Variants in PKHD1 observed in about 807,000 individuals in gnomAD.
PKHD1 encodes the protein fibrocystin.
A neutral mutation model predicts 412.0 loss-of-function variants in PKHD1; 291 were observed. That is an observed-to-expected ratio of 0.71 (90% CI 0.64 to 0.78). The LOEUF is 0.78. Ranked by LOEUF, PKHD1 falls within the 30% of genes least tolerant of loss-of-function variation. The pLI is 0.00. For missense variants in PKHD1, 4,825 were observed against 4,950.7 expected, an observed-to-expected ratio of 0.97 and a Z score of 0.76; for synonymous variants, 1,777 against 1,821.5, an observed-to-expected ratio of 0.98 and a Z score of 0.62.
Position 51,906,283 on chromosome 6 carries a change from C to A in PKHD1, c.6740G>T (p.Cys2247Phe). 2 of 1,609,922 alleles carry A rather than the reference C, an allele frequency of 1.2e-6. No individual in the cohort carries two copies. The highest frequency in any genetic ancestry group is 1.7e-6 in the Non-Finnish European group (2 of 1,176,484). The change falls in exon 41 of 67, where the codon TGC becomes TTC. Residue 2247 changes from cysteine to phenylalanine, a missense_variant. Coordinates refer to ENST00000371117, the MANE Select transcript of PKHD1 (RefSeq NM_138694.4). ...RNSFSRGLSMCGTLGLKVDSN... is the reference protein window; with the variant it reads ...RNSFSRGLSMFGTLGLKVDSN... ...GTCCACCTTCAGGCCCAAGGTCCCGCACATGCTGAGGCCTCTACTGAAGGA... is the reference window on the plus strand; with the variant it reads ...GTCCACCTTCAGGCCCAAGGTCCCGAACATGCTGAGGCCTCTACTGAAGGA...
intron 53 of PKHD1, 99 bp downstream of exon 53, chr6:51,791,137 C>T: frequency 7.9e-7 from 1 of 1,260,378 alleles, no homozygotes; most frequent in Admixed American, 1.7e-5. Flanking sequence ...TCCCTAAACT[C>T]TGTTAAGCAA....
intron 43 of PKHD1, among the ~76,000 whole-genome samples, chr6:51,901,110 T>C (rs956503963): frequency 1.3e-5 from 2 of 152,150 alleles, no homozygotes; most frequent in Non-Finnish European, 2.9e-5. Context: ...ATCAGTGTGG[T>C]GATTCCTCAG....
Position 51,855,910 on chromosome 6 carries a change from T to TC in PKHD1, c.7893dup (p.Ile2632AspfsTer12). 8 of 1,613,672 alleles carry TC rather than the reference T, an allele frequency of 5.0e-6. No homozygotes were observed. The highest frequency in any genetic ancestry group is 6.8e-6 in the Non-Finnish European group (8 of 1,179,564). On this transcript the variant is annotated frameshift_variant, in exon 49 of 67. Coordinates refer to ENST00000371117, the MANE Select transcript of PKHD1 (RefSeq NM_138694.4). LOFTEE classifies it high-confidence loss of function. ...TGGGTTACCTGCAGAGATCTGTTGATCCAAAGGTTCTCAGATTGCAATGAG... is the reference window on the plus strand; with the variant it reads ...TGGGTTACCTGCAGAGATCTGTTGATCCCAAAGGTTCTCAGATTGCAATGAG...
At chr6:51,939,089 T>C (rs1248213381) in intron 36 of PKHD1, among the ~76,000 whole-genome samples, 1 of 151,582 alleles carries the variant, frequency 6.6e-6, no homozygotes, top group Non-Finnish European at 1.5e-5. Flanking sequence ...CAGAGGTGTC[T>C]GACCACGTGG....
Position 51,955,318 on chromosome 6 carries a change from A to C in PKHD1, c.5908+4552T>G, listed in dbSNP as rs773149506. On this transcript the variant is annotated intron_variant, in intron 36 of 66. Coordinates refer to ENST00000371117, the MANE Select transcript of PKHD1 (RefSeq NM_138694.4). Reference sequence around the variant, plus strand: ...AATAATAAATGCAGCTGAAGCTCTTATCACAGTCACAAAAGAATCTGCTAC... The same window carrying C: ...AATAATAAATGCAGCTGAAGCTCTTCTCACAGTCACAAAAGAATCTGCTAC... 7.9e-5 allele frequency among the ~76,000 whole-genome samples: 12 copies of C among 152,194 alleles called. No homozygotes were observed. The East Asian group carries it at 1.2e-3, about 15-fold the overall frequency.
At chr6:51,648,671 A>T (rs1267727889) in intron 62 of PKHD1, among the ~76,000 whole-genome samples, 5 of 152,244 alleles carry the variant, frequency 3.3e-5, no homozygotes, top group African/African-American at 1.2e-4. Context: ...TGTTTTACTT[A>T]ATCACATATA....
intron 27 of PKHD1, among the ~76,000 whole-genome samples, chr6:52,038,986 T>C (rs1804391070): frequency 1.3e-5 from 2 of 152,224 alleles, no homozygotes; most frequent in Admixed American, 6.5e-5. Flanking sequence ...AAATTATTTA[T>C]CTGATAAGTG....
At position 51,909,550 on chromosome 6, in the gene PKHD1, G is replaced by T. The variant is rs541524387; in HGVS notation, c.6491-76C>A. On this transcript the variant is annotated intron_variant, in intron 39 of 66. Transcript: ENST00000371117. ...CCAGACAAATCTCCCAGTTTGAAAG[G>T]TACTGTCAGCACCGAGGAAAAACCA... The T allele has an allele frequency of 4.7e-4, 520 of 1,118,262 alleles. 3 individuals carry two copies. In the Middle Eastern group the frequency reaches 7.0e-3, roughly 15 times the overall value. The allele number at this position is 1,118,262 out of a possible 1,614,324, so 69.3% of individuals were successfully genotyped here.
intron 35 of PKHD1, among the ~76,000 whole-genome samples, chr6:51,987,346 C>G (rs1314241836): frequency 6.6e-6 from 1 of 152,176 alleles, no homozygotes; most frequent in African/African-American, 2.4e-5. Context: ...ACTGAATGAG[C>G]ATTTATTAGA....
In PKHD1 at chr6:51,906,314, T is replaced by A. The variant is rs2127637095; in HGVS notation, c.6709A>T (p.Arg2237Trp). The A allele has an allele frequency of 6.2e-7, 1 of 1,610,598 alleles. No individual in the cohort carries two copies. The highest frequency in any genetic ancestry group is 8.5e-7 in the Non-Finnish European group (1 of 1,177,078). ...RESFIQGCTVRNSFSRGLSMC... is the reference protein window; with the variant it reads ...RESFIQGCTVWNSFSRGLSMC... Reference sequence around the variant, plus strand: ...CTGAGGCCTCTACTGAAGGAGTTCCTCACTGTGCAGCCCTGTATGAAAGAC... The same window carrying A: ...CTGAGGCCTCTACTGAAGGAGTTCCACACTGTGCAGCCCTGTATGAAAGAC... Residue 2237 changes from arginine to tryptophan, a missense_variant, in exon 41 of 67, where the codon AGG (arginine) becomes TGG (tryptophan). Transcript: ENST00000371117.
chr6:51,955,812 A>G (rs1338650809), intron 36 of PKHD1, among the ~76,000 whole-genome samples: 2 of 152,062 alleles, frequency 1.3e-5, no homozygotes, highest in Non-Finnish European at 2.9e-5. Context: ...TCTTTTGAAG[A>G]AATTATTTTT....
chr6:51,651,246 G>C (rs2150375989), intron 61 of PKHD1, among the ~76,000 whole-genome samples: 1 of 152,242 alleles, frequency 6.6e-6, no homozygotes, highest in South Asian at 2.1e-4. Flanking sequence ...ATATCCCAAG[G>C]TAATACCACT....
intron 37 of PKHD1, among the ~76,000 whole-genome samples, chr6:51,917,590 G>A (rs1303167576): frequency 2.0e-5 from 3 of 152,166 alleles, no homozygotes; most frequent in Non-Finnish European, 2.9e-5. Context: ...CAGAAGAGGT[G>A]ATAACTGAGC....
chr6:51,772,567 G>T, intron 55 of PKHD1, 135 bp downstream of exon 55: 3 of 531,710 alleles, frequency 5.6e-6, no homozygotes, highest in Non-Finnish European at 1.0e-5. Context: ...CCCTATAATC[G>T]CTTATTTTTC....
chr6:51,653,178 C>G (rs1002585516), intron 61 of PKHD1, among the ~76,000 whole-genome samples: 21 of 152,114 alleles, frequency 1.4e-4, no homozygotes, highest in African/African-American at 5.1e-4. Flanking sequence ...ATCTCTCCCC[C>G]TCAAGAATAA....
At chr6:51,857,884 G>A (rs578032475) in intron 48 of PKHD1, among the ~76,000 whole-genome samples, 21 of 152,228 alleles carry the variant, frequency 1.4e-4, no homozygotes, top group African/African-American at 4.6e-4. Context: ...AAATGCTCAG[G>A]GCATTTGGGA....
chr6:51,762,083 C>G (rs1315061409), intron 55 of PKHD1, among the ~76,000 whole-genome samples: 1 of 152,072 alleles, frequency 6.6e-6, no homozygotes, highest in Non-Finnish European at 1.5e-5. Flanking sequence ...AAGCCATCAT[C>G]ATGTGTTACC....
At chr6:51,712,614 G>T (rs1360430119) in intron 60 of PKHD1, among the ~76,000 whole-genome samples, 2 of 152,108 alleles carry the variant, frequency 1.3e-5, no homozygotes, top group African/African-American at 4.8e-5. Flanking sequence ...CAAAACATTT[G>T]TAATTAATGC....
At chr6:51,979,953 C>T (rs1050598733) in intron 35 of PKHD1, among the ~76,000 whole-genome samples, 3 of 152,188 alleles carry the variant, frequency 2.0e-5, no homozygotes, top group South Asian at 2.1e-4. Context: ...TGCTGCCCTG[C>T]GCTCAGTGCC....
Sources: allele counts gnomAD v4.1 joint callset (sites outside exome capture counted in the v4.1 genomes callset), GRCh38; gene constraint gnomAD v4.1.1; transcripts MANE v1.5; gene names NCBI Gene and HGNC (gene_info 2026-07-23, HGNC 2026-07-21).